Variants in NAT2 observed in about 807,000 individuals in gnomAD.
NAT2 encodes the protein arylamine N-acetyltransferase 2.
For missense variants in NAT2, 428 were observed against 339.1 expected, an observed-to-expected ratio of 1.26 and a Z score of -2.06; for synonymous variants, 137 against 125.9, an observed-to-expected ratio of 1.09 and a Z score of -0.59.
chr8:18,399,627 A>G (rs1219092670), intron 1 of NAT2, among the ~76,000 whole-genome samples: 2 of 152,228 alleles, frequency 1.3e-5, no homozygotes, highest in East Asian at 3.8e-4. Context: ...TCTCCTGCTT[A>G]TATCAGAAAC....
At chr8:18,397,748 A>G (rs2117618491) in intron 1 of NAT2, among the ~76,000 whole-genome samples, 1 of 152,322 alleles carries the variant, frequency 6.6e-6, no homozygotes, top group African/African-American at 2.4e-5. Context: ...TCTTTTTGAA[A>G]CTTCTCAGAT....
chr8:18,400,293 C>T lies in NAT2; in HGVS notation c.290C>T (p.Pro97Leu), dbSNP rs1321612090. ...TTAGGAGGGTATTTTTACATCCCTC[C>T]AGTTAACAAATACAGCACTGGCATG... ...TMLGGYFYIP[P>L]VNKYSTGMVH... The change falls in exon 2 of 2, where the codon CCA becomes CTA. Residue 97 changes from proline to leucine, a missense_variant. By Grantham distance (98) the Pro-to-Leu change is moderately conservative (BLOSUM62 -3). Transcript: ENST00000286479. 2.5e-6 allele frequency: 4 copies of T among 1,613,600 alleles called. No individual in the cohort carries two copies. Among genetic ancestry groups the T allele is most frequent in the Non-Finnish European group, 3.4e-6 (4 of 1,179,858 alleles).
intron 1 of NAT2, among the ~76,000 whole-genome samples, chr8:18,399,088 A>G (rs957798339): frequency 6.6e-6 from 1 of 152,112 alleles, no homozygotes; most frequent in Admixed American, 6.5e-5. Context: ...ATCTCAATCC[A>G]TTCCCCTTCT....
At chr8:18,386,489 A>G (rs904921593), upstream of NAT2, among the ~76,000 whole-genome samples, 4 of 152,178 alleles carry the variant, frequency 2.6e-5, no homozygotes, top group African/African-American at 9.6e-5. Flanking sequence ...AGAAGCCAAG[A>G]GAGCAGAGAA....
At position 18,400,597 on chromosome 8, in the gene NAT2, A is replaced by G. The variant is rs563563855; in HGVS notation, c.594A>G (p.Thr198=). ...KIYLFTLEPR[T]IEDFESMNTY... ...ACTTATTTACGCTTGAACCTCGAAC[A>G]ATTGAAGATTTTGAGTCTATGAATA... The change falls in exon 2 of 2, where the codon ACA becomes ACG. Residue 198 remains threonine, a synonymous_variant. Coordinates refer to ENST00000286479, the MANE Select transcript of NAT2 (RefSeq NM_000015.3). 1.2e-6 allele frequency: 2 copies of G among 1,613,494 alleles called. No individual in the cohort carries two copies. Among genetic ancestry groups the G allele is most frequent in the East Asian group, 4.5e-5 (2 of 44,874 alleles).
intron 1 of NAT2, 112 bp from the exon 2 acceptor site, chr8:18,399,886 T>A (rs1800756954): frequency 4.1e-6 from 5 of 1,214,060 alleles, no homozygotes; most frequent in African/African-American, 1.5e-5. Flanking sequence ...GACAGATACT[T>A]ATAACCATTG....
chr8:18,391,312 T>C lies in NAT2; in HGVS notation c.-40T>C, dbSNP rs1800588317. Reference sequence around the variant, plus strand: ...ATTACAGACCTTGGAAGCAAGAGGATTGCATTCAGCCTAGTTCCTGGTTGC... The same window carrying C: ...ATTACAGACCTTGGAAGCAAGAGGACTGCATTCAGCCTAGTTCCTGGTTGC... On this transcript the variant is annotated 5_prime_UTR_variant, in exon 1 of 2. Coordinates refer to ENST00000286479, the MANE Select transcript of NAT2 (RefSeq NM_000015.3). 1 of 152,056 alleles carries C rather than the reference T, an allele frequency of 6.6e-6. No individual in the cohort carries two copies. 9.4% of individuals were successfully genotyped at this position (152,056 alleles called of 1,614,324 possible).
chr8:18,399,866 G>T (rs1800756624), intron 1 of NAT2, 132 bp from the exon 2 acceptor site: 1 of 1,045,552 alleles, frequency 9.6e-7, no homozygotes. Context: ...ACTAACAAAA[G>T]AATTACTATG....
At chr8:18,389,971 T>A (rs1800567605), upstream of NAT2, among the ~76,000 whole-genome samples, 1 of 152,098 alleles carries the variant, frequency 6.6e-6, no homozygotes. Flanking sequence ...TTGAGATCAA[T>A]AAAAAGGTGC....
intron 1 of NAT2, among the ~76,000 whole-genome samples, chr8:18,395,378 A>T (rs1800665532): frequency 6.6e-6 from 1 of 152,106 alleles, no homozygotes; most frequent in South Asian, 2.1e-4. Context: ...TAACAATTTA[A>T]CATAATAATT....
chr8:18,389,640 T>C (rs1800562149), upstream of NAT2, among the ~76,000 whole-genome samples: 1 of 152,210 alleles, frequency 6.6e-6, no homozygotes, highest in South Asian at 2.1e-4. Context: ...AGGACAGAAA[T>C]CTGGCAGTGC....
chr8:18,386,840 TG>T (rs1800512672), upstream of NAT2, among the ~76,000 whole-genome samples: 1 of 152,206 alleles, frequency 6.6e-6, no homozygotes. Flanking sequence ...CTGAAGGATC[TG>T]CGCCCTGTGT....
chr8:18,399,305 A>C (rs533886700), intron 1 of NAT2, among the ~76,000 whole-genome samples: 1 of 152,264 alleles, frequency 6.6e-6, no homozygotes, highest in East Asian at 1.9e-4. Context: ...CTCCCTGTGC[A>C]CCCACTAACC....
At chr8:18,396,115 A>G (rs1042922805) in intron 1 of NAT2, among the ~76,000 whole-genome samples, 3 of 152,086 alleles carry the variant, frequency 2.0e-5, no homozygotes, top group Non-Finnish European at 4.4e-5. Flanking sequence ...AAACAAATCT[A>G]TTTAATTAGT....
At chr8:18,386,643 C>G (rs913215020), upstream of NAT2, among the ~76,000 whole-genome samples, 1 of 152,190 alleles carries the variant, frequency 6.6e-6, no homozygotes, top group Admixed American at 6.5e-5. Context: ...AAAGGACATT[C>G]TCTTCCTGTC....
intron 1 of NAT2, among the ~76,000 whole-genome samples, chr8:18,392,220 T>C (rs2117612090): frequency 6.6e-6 from 1 of 152,274 alleles, no homozygotes; most frequent in South Asian, 2.1e-4. Context: ...CCAGAACTAA[T>C]AGGATAGATG....
intron 1 of NAT2, among the ~76,000 whole-genome samples, chr8:18,392,408 G>C (rs1800605375): frequency 6.6e-6 from 1 of 152,152 alleles, no homozygotes; most frequent in African/African-American, 2.4e-5. Flanking sequence ...GGAGTCCAAA[G>C]GCTGAAGAAC....
At chr8:18,399,759 T>C (rs1585138479) in intron 1 of NAT2, among the ~76,000 whole-genome samples, 1 of 152,004 alleles carries the variant, frequency 6.6e-6, no homozygotes, top group South Asian at 2.1e-4. Flanking sequence ...CAACTCCTCA[T>C]GCTTAAAAGA....
intron 1 of NAT2, among the ~76,000 whole-genome samples, chr8:18,396,857 G>A (rs4546703): frequency 0.36 from 54,740 of 151,916 alleles, 10,595 homozygotes; most frequent in Middle Eastern, 0.44. Flanking sequence ...AACTTTAAAT[G>A]TGACTAGTTT....
Sources: gnomAD v4.1 joint callset for allele counts (sites outside exome capture counted in the v4.1 genomes callset) on GRCh38, gnomAD v4.1.1 for gene constraint, MANE v1.5 for transcripts, NCBI Gene and HGNC (gene_info 2026-07-23, HGNC 2026-07-21) for gene names.